CNTNAP2: variants seen among roughly 807,000 people sequenced by gnomAD.
CNTNAP2 encodes the protein contactin associated protein 2, also known as contactin-associated protein-like 2.
CNTNAP2 carries 98 observed loss-of-function variants against 155.2 expected under a neutral mutation model. The observed-to-expected ratio is 0.63, with a 90% CI of 0.54 to 0.75. CNTNAP2 has a LOEUF of 0.75. Ranked by LOEUF, CNTNAP2 falls within the 30% of genes least tolerant of loss-of-function variation. CNTNAP2 has a pLI of 0.00. For missense variants in CNTNAP2, 1,727 were observed against 1,688.1 expected (o/e 1.02, Z -0.40); for synonymous variants, 651 against 631.2 (o/e 1.03, Z -0.47).
intron 20 of CNTNAP2, among the ~76,000 whole-genome samples, chr7:148,266,216 T>G (rs1796665394): frequency 6.6e-6 from 1 of 152,176 alleles, no homozygotes; most frequent in Non-Finnish European, 1.5e-5. Flanking sequence ...GAAAAATGAA[T>G]GCTTACAAAA....
At chr7:147,194,457 T>A (rs544700950) in intron 8 of CNTNAP2, among the ~76,000 whole-genome samples, 40 of 152,302 alleles carry the variant, frequency 2.6e-4, no homozygotes, top group African/African-American at 9.1e-4. Flanking sequence ...AGTAATGGGA[T>A]TGCTGGATCA....
chr7:148,287,493 A>G (rs1797103806), intron 21 of CNTNAP2, among the ~76,000 whole-genome samples: 1 of 152,230 alleles, frequency 6.6e-6, no homozygotes, highest in Non-Finnish European at 1.5e-5. Flanking sequence ...CATGTGACCC[A>G]TTGGCCCTCC....
At chr7:147,299,958 G>C (rs963270288) in intron 8 of CNTNAP2, among the ~76,000 whole-genome samples, 183 bp from the exon 9 acceptor site, 11 of 152,104 alleles carry the variant, frequency 7.2e-5, no homozygotes, top group Non-Finnish European at 1.3e-4. Context: ...TCAGTTAGGT[G>C]GAGTATAGAA....
At chr7:147,834,936 A>G (rs1326474595) in intron 13 of CNTNAP2, among the ~76,000 whole-genome samples, 2 of 152,172 alleles carry the variant, frequency 1.3e-5, no homozygotes, top group African/African-American at 4.8e-5. Flanking sequence ...AATTCAACTG[A>G]ATCAGAAACT....
intron 3 of CNTNAP2, among the ~76,000 whole-genome samples, chr7:146,910,672 T>G (rs950026105): frequency 1.3e-5 from 2 of 150,366 alleles, no homozygotes; most frequent in Non-Finnish European, 2.9e-5. Context: ...GATCAAAGAT[T>G]TAAACGTTAG....
intron 13 of CNTNAP2, among the ~76,000 whole-genome samples, chr7:147,829,103 T>C (rs1278430729): frequency 6.6e-6 from 1 of 152,316 alleles, no homozygotes; most frequent in East Asian, 1.9e-4. Context: ...GTGACTGAAC[T>C]CTTTATGCTG....
At chr7:147,100,210 A>T (rs1399676017) in intron 4 of CNTNAP2, among the ~76,000 whole-genome samples, 1 of 152,088 alleles carries the variant, frequency 6.6e-6, no homozygotes, top group African/African-American at 2.4e-5. Context: ...TTGTCTCTTC[A>T]CGTTGAATAA....
intron 11 of CNTNAP2, among the ~76,000 whole-genome samples, chr7:147,507,196 C>T (rs1798921779): frequency 6.6e-6 from 1 of 151,992 alleles, no homozygotes; most frequent in Non-Finnish European, 1.5e-5. Flanking sequence ...CTTCTGGTAC[C>T]TAATATTAGT....
intron 18 of CNTNAP2, among the ~76,000 whole-genome samples, chr7:148,192,926 CAT>C (rs1034625415): frequency 7.9e-5 from 12 of 152,096 alleles, no homozygotes; most frequent in Admixed American, 2.0e-4. Context: ...ATAAGGGCCA[CAT>C]GTGTCTTTCT....
intron 1 of CNTNAP2, among the ~76,000 whole-genome samples, chr7:146,380,279 GT>G (rs1795362320): frequency 2.0e-5 from 3 of 152,094 alleles, no homozygotes; most frequent in African/African-American, 7.2e-5. Flanking sequence ...CTGTTTAGCA[GT>G]GCTTTTTTAT....
At chr7:146,508,214 G>A (rs900093524) in intron 1 of CNTNAP2, among the ~76,000 whole-genome samples, 2 of 152,142 alleles carry the variant, frequency 1.3e-5, no homozygotes, top group Admixed American at 6.5e-5. Context: ...TGGTATTGAT[G>A]GGTGGAAGTA....
At chr7:148,330,571 T>G (rs1585278842) in intron 21 of CNTNAP2, among the ~76,000 whole-genome samples, 1 of 125,288 alleles carries the variant, frequency 8.0e-6, no homozygotes, top group African/African-American at 3.0e-5. Flanking sequence ...AGTGGATGGA[T>G]GGAGTGGATG....
intron 21 of CNTNAP2, among the ~76,000 whole-genome samples, chr7:148,338,867 G>T (rs1798170859): frequency 6.6e-6 from 1 of 152,120 alleles, no homozygotes; most frequent in Admixed American, 6.5e-5. Flanking sequence ...GGTGGAAGAA[G>T]AAAAAACCAC....
At chr7:147,339,065 T>A (rs1043447301) in intron 9 of CNTNAP2, among the ~76,000 whole-genome samples, 2 of 152,162 alleles carry the variant, frequency 1.3e-5, no homozygotes, top group East Asian at 3.9e-4. Context: ...ATATAAACAA[T>A]TCTATCATCA....
intron 4 of CNTNAP2, among the ~76,000 whole-genome samples, chr7:147,054,523 C>T (rs553337890): frequency 6.6e-6 from 1 of 152,140 alleles, no homozygotes; most frequent in Admixed American, 6.6e-5. Flanking sequence ...TACAGTCCAT[C>T]AACATTTCAC....
chr7:146,435,358 C>A (rs1278365173), intron 1 of CNTNAP2, among the ~76,000 whole-genome samples: 1 of 152,178 alleles, frequency 6.6e-6, no homozygotes, highest in Non-Finnish European at 1.5e-5. Context: ...GTACCAGCTG[C>A]TTTTAGACCC....
At chr7:148,269,982 C>A (rs1440839070) in intron 21 of CNTNAP2, among the ~76,000 whole-genome samples, 1 of 152,100 alleles carries the variant, frequency 6.6e-6, no homozygotes, top group Admixed American at 6.5e-5. Flanking sequence ...TAAACATACC[C>A]GAAAATAATA....
intron 13 of CNTNAP2, among the ~76,000 whole-genome samples, chr7:147,789,235 G>A (rs568963707): frequency 7.9e-5 from 12 of 152,124 alleles, no homozygotes; most frequent in East Asian, 5.8e-4. Context: ...CATTAGAAAC[G>A]AAGTCCTATC....
intron 1 of CNTNAP2, among the ~76,000 whole-genome samples, chr7:146,172,029 AGTAT>A (rs1798398955): frequency 4.5e-5 from 4 of 88,372 alleles, no homozygotes; most frequent in African/African-American, 1.3e-4. Context: ...AAATGCTCTT[AGTAT>A]TTTTTTTTTT....
Sources: allele counts gnomAD v4.1 joint callset (sites outside exome capture counted in the v4.1 genomes callset), GRCh38; gene constraint gnomAD v4.1.1; transcripts MANE v1.5; gene names NCBI Gene and HGNC (gene_info 2026-07-23, HGNC 2026-07-21).